Variants in DNAH6 observed in about 807,000 individuals in gnomAD.
The protein encoded by DNAH6 is axonemal beta dynein heavy chain 6.
A neutral mutation model predicts 491.4 loss-of-function variants in DNAH6; 340 were observed. That is an observed-to-expected ratio of 0.69 (90% CI 0.63 to 0.76). DNAH6 has a LOEUF of 0.76. DNAH6 is among the 30% of genes least tolerant of loss of function. The pLI, the probability that DNAH6 is intolerant of heterozygous loss-of-function variation, is 0.00. For synonymous variants in DNAH6, 1,603 were observed against 1,686.1 expected, an observed-to-expected ratio of 0.95 and a Z score of 1.21; for missense variants, 4,443 against 4,972.2, an observed-to-expected ratio of 0.89 and a Z score of 3.20.
chr2:84,540,088 G>A (rs1411236569), intron 4 of DNAH6, among the ~76,000 whole-genome samples: 4 of 152,100 alleles, frequency 2.6e-5, no homozygotes, highest in Non-Finnish European at 5.9e-5. Context: ...GTTGTATAGG[G>A]CCACAAGAGC....
At chr2:84,484,106 T>C in the DNAH6 span, among the ~76,000 whole-genome samples, 1 of 152,196 alleles carries the variant, frequency 6.6e-6, no homozygotes, top group Non-Finnish European at 1.5e-5. Context: ...CTTGCTAAGC[T>C]GACCCTTTCC....
Position 84,781,574 on chromosome 2 carries a change from G to C in DNAH6, c.10785G>C (p.Trp3595Cys), listed in dbSNP as rs1676706866. ...MVKDAMKSGN[W>C]VFLQNCHLAV... Reference sequence around the variant, plus strand: ...AGGATGCAATGAAATCAGGAAACTGGGTATTTTTGCAAAATTGCCATCTTG... The same window carrying C: ...AGGATGCAATGAAATCAGGAAACTGCGTATTTTTGCAAAATTGCCATCTTG... The change falls in exon 65 of 77, where the codon TGG (tryptophan) becomes TGC (cysteine). Residue 3595 changes from tryptophan (W) to cysteine (C), a missense_variant. Coordinates refer to ENST00000389394, the MANE Select transcript of DNAH6 (RefSeq NM_001370.2). 1 of 1,551,664 alleles carries C rather than the reference G, an allele frequency of 6.4e-7. No individual in the cohort carries two copies. Among genetic ancestry groups the C allele is most frequent in the East Asian group, 2.4e-5 (1 of 40,910 alleles).
At chr2:84,553,078 G>A in intron 10 of DNAH6, 44 bp downstream of exon 10, 1 of 1,183,388 alleles carries the variant, frequency 8.5e-7, no homozygotes, top group Middle Eastern at 2.0e-4. Context: ...CACCTATTTG[G>A]AAAATGAAGC....
chr2:84,738,533 G>T (rs1672220546), intron 62 of DNAH6, among the ~76,000 whole-genome samples: 1 of 152,104 alleles, frequency 6.6e-6, no homozygotes, highest in Admixed American at 6.5e-5. Context: ...TCCAATGTTG[G>T]ATACACATAT....
At chr2:84,464,384 C>A in the DNAH6 span, among the ~76,000 whole-genome samples, 57 of 152,308 alleles carry the variant, frequency 3.7e-4, no homozygotes, top group African/African-American at 1.3e-3. Flanking sequence ...CCTACTCCCC[C>A]AGAAGTTCCA....
chr2:84,606,329 T>A (rs1189678407), intron 20 of DNAH6, among the ~76,000 whole-genome samples: 1 of 152,158 alleles, frequency 6.6e-6, no homozygotes. Context: ...AAGAGGTCAG[T>A]AAGTTTAGGC....
rs1347855012 is a variant in DNAH6 at position 84,577,241 on chromosome 2, GA to G, written c.1925-14del. On this transcript the variant is annotated splice_polypyrimidine_tract_variant and intron_variant, in intron 12 of 76. Coordinates refer to ENST00000389394, the MANE Select transcript of DNAH6 (RefSeq NM_001370.2). Reference sequence around the variant, plus strand: ...ATATGGTATATTTTATGCTTTATGTGAATTTTTTTATGTAGATATTAACTTT... The same window carrying G: ...ATATGGTATATTTTATGCTTTATGTGATTTTTTTATGTAGATATTAACTTT... 100 of 1,514,372 alleles carry G rather than the reference GA, an allele frequency of 6.6e-5. No homozygotes were observed. The highest frequency in any genetic ancestry group is 8.8e-5 in the Non-Finnish European group (99 of 1,124,200). 93.8% of individuals were successfully genotyped at this position (1,514,372 alleles called of 1,614,324 possible). A position where few individuals can be genotyped will look rare whatever the true frequency, so the allele number is the denominator to read the frequency against.
At chr2:84,697,754 G>T (rs1257761480) in intron 47 of DNAH6, 27 bp downstream of exon 47, 12 of 1,551,092 alleles carry the variant, frequency 7.7e-6, no homozygotes, top group East Asian at 4.9e-5. Flanking sequence ...TAGTTATGTG[G>T]CTTTATCACA....
chr2:84,547,669 C>T, intron 7 of DNAH6, 57 bp downstream of exon 7: 3 of 1,506,550 alleles, frequency 2.0e-6, no homozygotes, highest in East Asian at 5.0e-5. Flanking sequence ...AAAATTTCAG[C>T]CCTTTTTTAT....
intron 68 of DNAH6, among the ~76,000 whole-genome samples, chr2:84,792,314 T>TA (rs1252776801): frequency 2.6e-5 from 4 of 152,224 alleles, no homozygotes; most frequent in Non-Finnish European, 5.9e-5. Context: ...ATATAGCACT[T>TA]ACAGTTAATC....
intron 4 of DNAH6, 52 bp from the exon 5 acceptor site, chr2:84,544,181 C>T: frequency 2.1e-6 from 2 of 956,436 alleles, no homozygotes; most frequent in Non-Finnish European, 2.9e-6. Flanking sequence ...GCAATTGCTT[C>T]ATTTTGTATT....
Position 84,544,423 on chromosome 2 carries a change from T to C in DNAH6, c.853T>C (p.Trp285Arg). 6.5e-7 allele frequency: 1 copy of C among 1,541,852 alleles called. No homozygotes were observed. Among genetic ancestry groups the C allele is most frequent in the Non-Finnish European group, 8.8e-7 (1 of 1,138,276 alleles). Reference protein sequence around the residue: ...LFRKWKAFSVWRKNVRSKKIT... With the variant: ...LFRKWKAFSVRRKNVRSKKIT... ...CCGGAAATGGAAGGCTTTTAGTGTATGGAGGAAGAATGTCCGCTCCAAGAA... is the reference window on the plus strand; with the variant it reads ...CCGGAAATGGAAGGCTTTTAGTGTACGGAGGAAGAATGTCCGCTCCAAGAA... The change falls in exon 5 of 77, where the codon TGG becomes CGG. Residue 285 changes from tryptophan to arginine, a missense_variant. By Grantham distance (101) the Trp-to-Arg change is moderately radical. Transcript: ENST00000389394.
intron 64 of DNAH6, among the ~76,000 whole-genome samples, chr2:84,763,930 A>G (rs1189039939): frequency 6.6e-6 from 1 of 152,112 alleles, no homozygotes; most frequent in Non-Finnish European, 1.5e-5. Context: ...TTTCAGTCTG[A>G]GTCTAAAGGC....
chr2:84,520,664 G>A (rs929118588), intron 2 of DNAH6, among the ~76,000 whole-genome samples: 2 of 151,966 alleles, frequency 1.3e-5, no homozygotes, highest in Non-Finnish European at 2.9e-5. Context: ...TTATAAGTGA[G>A]AAAATGTGAT....
Position 84,598,666 on chromosome 2 carries a change from T to C in DNAH6, c.2868+2877T>C, listed in dbSNP as rs1684917757. On this transcript the variant is annotated intron_variant, in intron 18 of 76. Coordinates refer to ENST00000389394, the MANE Select transcript of DNAH6 (RefSeq NM_001370.2). The stretch of plus-strand genomic sequence containing the variant: ...TTCTCCTCATCATCACTAGCCCTTG[T>C]TATTTTGAGGGACCTTTTTGTTTTG... Among the ~76,000 whole-genome samples the C allele has an allele frequency of 3.3e-5, 5 of 152,228 alleles. No homozygotes were observed. The South Asian group carries it at 1.0e-3, about 32-fold the overall frequency.
At chr2:84,662,898 G>A (rs1691669342) in intron 37 of DNAH6, among the ~76,000 whole-genome samples, 1 of 152,182 alleles carries the variant, frequency 6.6e-6, no homozygotes, top group African/African-American at 2.4e-5. Context: ...GCCCCTCTGA[G>A]ACAAAGCTTC....
intron 23 of DNAH6, among the ~76,000 whole-genome samples, chr2:84,618,608 G>GA (rs34717024): frequency 0.037 from 5,109 of 138,724 alleles, 102 homozygotes; most frequent in Middle Eastern, 0.08. Context: ...CCCGTGATTG[G>GA]AAAAAAAAAA....
intron 37 of DNAH6, among the ~76,000 whole-genome samples, chr2:84,665,122 A>C (rs1691955915): frequency 6.6e-6 from 1 of 152,182 alleles, no homozygotes; most frequent in Admixed American, 6.5e-5. Context: ...AATTTATAGC[A>C]CTAAATGCCC....
intron 13 of DNAH6, among the ~76,000 whole-genome samples, chr2:84,579,231 T>G (rs1682775787): frequency 6.6e-6 from 1 of 152,234 alleles, no homozygotes; most frequent in African/African-American, 2.4e-5. Flanking sequence ...GTGGGACTGA[T>G]GCTGGACAGG....
Sources: gnomAD v4.1 joint callset for allele counts (sites outside exome capture counted in the v4.1 genomes callset) on GRCh38, gnomAD v4.1.1 for gene constraint, MANE v1.5 for transcripts, NCBI Gene and HGNC (gene_info 2026-07-23, HGNC 2026-07-21) for gene names.